The following CACNA1F variants were observed in gnomAD, a reference collection of about 807,000 sequenced individuals.
The protein encoded by CACNA1F is calcium voltage-gated channel subunit alpha1 F.
In CACNA1F, 59 loss-of-function variants were observed where a neutral mutation model predicts 143.8. The observed-to-expected ratio is 0.41, with a 90% CI of 0.33 to 0.51. The LOEUF (loss-of-function observed/expected upper bound fraction) is 0.51. Ranked by LOEUF, CACNA1F falls within the 20% of genes least tolerant of loss-of-function variation. CACNA1F has a pLI of 0.22. For synonymous variants in CACNA1F, 643 were observed against 649.1 expected, an observed-to-expected ratio of 0.99 and a Z score of 0.14; for missense variants, 1,411 against 1,647.5, an observed-to-expected ratio of 0.86 and a Z score of 2.48.
At chrX:49,232,495 C>T (rs929615573) in intron 1 of CACNA1F, among the ~76,000 whole-genome samples, 1 of 111,680 alleles carries the variant, frequency 9.0e-6, no homozygotes. Flanking sequence ...GAGTTTAAAT[C>T]CTGACTTTAC....
rs782486486 is a variant in CACNA1F, at chrX:49,205,466, C to T, written c.5671-99G>A. ...TGCCCATGAGGGCATGTAGGGAAGT[C>T]AGTGGGGGACAGGGGTGAGCAGAGG... On this transcript the variant is annotated intron_variant, in intron 47 of 47. Coordinates refer to ENST00000323022, the MANE Select transcript of CACNA1F (RefSeq NM_001256789.3). 3.2e-4 allele frequency: 267 copies of T among 821,676 alleles called. 1 individual carries two copies. The highest frequency in any genetic ancestry group is 5.5e-5 in the Non-Finnish European group (31 of 562,010). 67.7% of individuals were successfully genotyped at this position (821,676 alleles called of 1,213,427 possible).
At chrX:49,226,794 G>T in intron 9 of CACNA1F, 92 bp from the exon 10 acceptor site, 1 of 985,541 alleles carries the variant, frequency 1.0e-6, no homozygotes, top group South Asian at 2.0e-5. Context: ...AGTCTTTATA[G>T]CTGAGGCTGG....
At chrX:49,214,874 T>C (rs2065694649) in intron 29 of CACNA1F, among the ~76,000 whole-genome samples, 1 of 111,260 alleles carries the variant, frequency 9.0e-6, no homozygotes, top group African/African-American at 3.3e-5. Flanking sequence ...TTTTTTTTTT[T>C]CCACATTCTT....
intron 6 of CACNA1F, among the ~76,000 whole-genome samples, chrX:49,229,314 G>A (rs1248658932): frequency 9.1e-6 from 1 of 110,458 alleles, no homozygotes; most frequent in African/African-American, 3.3e-5. Flanking sequence ...GCACCACCAC[G>A]CCCGGCTCAA....
chrX:49,226,477 A>G lies in CACNA1F; in HGVS notation c.1395T>C (p.Gly465=). Residue 465 remains glycine, a synonymous_variant, in exon 11 of 48, where the codon GGT becomes GGC. Coordinates refer to ENST00000323022, the MANE Select transcript of CACNA1F (RefSeq NM_001256789.3). The part of the protein sequence containing the change: ...SHASLPASDT[G]SMTETQGDED... ...CATCGCCTTGGGTCTCTGTCATGGA[A>G]CCGGTGTCACTGGCTGGGAGGCTGG... 8.4e-7 allele frequency: 1 copy of G among 1,190,419 alleles called. No individual in the cohort carries two copies. The highest frequency in any genetic ancestry group is 1.1e-6 in the Non-Finnish European group (1 of 884,369).
chrX:49,209,145 A>G (rs782680992), intron 42 of CACNA1F, 117 bp downstream of exon 42: 3 of 868,591 alleles, frequency 3.5e-6, no homozygotes, highest in East Asian at 3.2e-5. Context: ...ATATTTTTCT[A>G]TTGCAGAGGG....
At chrX:49,213,423 G>C (rs1462077662) in intron 31 of CACNA1F, among the ~76,000 whole-genome samples, 2 of 112,051 alleles carry the variant, frequency 1.8e-5, no homozygotes, top group Non-Finnish European at 3.8e-5. Context: ...AGCCATGAAA[G>C]AGCCAGTGTC....
Position 49,217,954 on chromosome X carries a change from T to C in CACNA1F, c.2980A>G (p.Ile994Val), listed in dbSNP as rs1212056376. ...VAIRTIGNIMIVTTLLQFMFA... is the reference protein window; with the variant it reads ...VAIRTIGNIMVVTTLLQFMFA... ...ATAAATTGCAGAAGTGTGGTGACAA[T>C]CATGATGTTTCCGATGGTCCGGATG... The change falls in exon 25 of 48, where the codon ATT becomes GTT. Residue 994 changes from isoleucine (I) to valine (V), a missense_variant. Physicochemically the swap from Ile to Val is conservative, Grantham distance 29. Transcript: ENST00000323022. 1 of 1,208,974 alleles carries C rather than the reference T, an allele frequency of 8.3e-7. No individual in the cohort carries two copies. Among genetic ancestry groups the C allele is most frequent in the African/African-American group, 1.8e-5 (1 of 56,933 alleles).
chrX:49,231,367 G>C (rs1434438474), intron 2 of CACNA1F, 60 bp from the exon 3 acceptor site: 5 of 853,121 alleles, frequency 5.9e-6, no homozygotes, highest in Non-Finnish European at 8.5e-6. Flanking sequence ...CTACTCCCTT[G>C]GGAACCTCCC....
Position 49,211,800 on chromosome X carries a change from G to T in CACNA1F, c.4100+98C>A, listed in dbSNP as rs1020196514. ...CATCTCGGGCTGTATGGAGCCCCAT[G>T]CTGCCATATTATTCCCATAGCTCAA... On this transcript the variant is annotated intron_variant, in intron 35 of 47. Transcript: ENST00000323022. 7.5e-6 allele frequency: 5 copies of T among 670,998 alleles called. No individual in the cohort carries two copies. In the African/African-American group the frequency reaches 1.1e-4, roughly 14 times the overall value. 55.3% of individuals were successfully genotyped at this position (670,998 alleles called of 1,213,427 possible).
chrX:49,214,305 G>A (rs973295740), intron 29 of CACNA1F, 36 bp from the exon 30 acceptor site: 1 of 865,108 alleles, frequency 1.2e-6, no homozygotes, highest in Non-Finnish European at 1.7e-6. Flanking sequence ...GGAGCCTGAG[G>A]CAGAGATGCC....
intron 18 of CACNA1F, 29 bp downstream of exon 18, chrX:49,221,006 T>A: frequency 8.7e-7 from 1 of 1,143,109 alleles, no homozygotes; most frequent in Non-Finnish European, 1.2e-6. Flanking sequence ...GAGTGGGAGG[T>A]GTAGACAGTG....
intron 3 of CACNA1F, 73 bp downstream of exon 3, chrX:49,231,129 G>A (rs981802638): frequency 2.6e-5 from 22 of 840,698 alleles, no homozygotes; most frequent in Middle Eastern, 3.0e-4. Flanking sequence ...AGGGGGCGGG[G>A]TCTGGCTGGA....
intron 12 of CACNA1F, 68 bp from the exon 13 acceptor site, chrX:49,226,137 G>A: frequency 8.9e-7 from 1 of 1,125,638 alleles, no homozygotes; most frequent in Non-Finnish European, 1.2e-6. Context: ...TCAGGTGGGG[G>A]ATCCAAAGGT....
Position 49,228,267 on chromosome X carries a change from GTCCAGCCT to G in CACNA1F, c.990_997del (p.Glu330AspfsTer14). 8.3e-7 allele frequency: 1 copy of G among 1,211,629 alleles called. No individual in the cohort carries two copies. Among genetic ancestry groups the G allele is most frequent in the Non-Finnish European group, 1.1e-6 (1 of 895,013 alleles). ...CCACCTCACCCAGTAGAGCACATCG[GTCCAGCCT>G]TCCATGGTGACACACTGGAAGACTG... On this transcript the variant is annotated frameshift_variant, in exon 7 of 48. Coordinates refer to ENST00000323022, the MANE Select transcript of CACNA1F (RefSeq NM_001256789.3). LOFTEE classifies it high-confidence loss of function.
At chrX:49,227,910 T>C (rs2065840575) in intron 8 of CACNA1F, 126 bp downstream of exon 8, 2 of 536,398 alleles carry the variant, frequency 3.7e-6, no homozygotes, top group Admixed American at 2.7e-5. Context: ...TCACATACAA[T>C]AGATGCTCAT....
At chrX:49,232,678 G>A (rs1224487228) in intron 1 of CACNA1F, among the ~76,000 whole-genome samples, 1 of 112,049 alleles carries the variant, frequency 8.9e-6, no homozygotes, top group Non-Finnish European at 1.9e-5. Flanking sequence ...TTCCCATTTT[G>A]CAGATGAGAA....
At position 49,227,738 on chromosome X, in the gene CACNA1F, A is replaced by C. The variant is rs192809273; in HGVS notation, c.1118+298T>G. ...TCTTTTATCTTTCCTTTCTTTCCAC[A>C]GTACATATTCCATATAAAACACTAT... On this transcript the variant is annotated intron_variant, in intron 8 of 47. Transcript: ENST00000323022. Among the ~76,000 whole-genome samples the C allele has an allele frequency of 3.7e-4, 42 of 112,519 alleles. 1 individual carries two copies. The South Asian group carries it at 0.015, about 41-fold the overall frequency.
Position 49,218,637 on chromosome X carries a change from A to G in CACNA1F, c.2832T>C (p.Phe944=). ...GGGGATCTGTCACTTACTGGATGCC[A>G]AAGGAGATGAGGGACACACTGACCA... The part of the protein sequence containing the change: ...LLVVSVSLIS[F]GIHSSAISVV... Residue 944 remains phenylalanine (F), a synonymous_variant, in exon 23 of 48, where the codon TTT becomes TTC. Transcript: ENST00000323022. The G allele has an allele frequency of 1.7e-6, 2 of 1,200,917 alleles. No homozygotes were observed.
Sources: allele counts gnomAD v4.1 joint callset (sites outside exome capture counted in the v4.1 genomes callset), GRCh38; gene constraint gnomAD v4.1.1; transcripts MANE v1.5; gene names NCBI Gene and HGNC (gene_info 2026-07-23, HGNC 2026-07-21).